DENND1A: variants seen among roughly 807,000 people sequenced by gnomAD.
DENND1A encodes the protein DENN domain containing 1A, also known as DENN domain-containing protein 1A.
In DENND1A, 51 loss-of-function variants were observed where a neutral mutation model predicts 113.7. The ratio of observed to expected loss-of-function variants is 0.45; its 90% CI spans 0.36 to 0.57. The LOEUF (loss-of-function observed/expected upper bound fraction) is 0.57, where lower values mean the gene tolerates loss of function less well. DENND1A is among the 20% of genes least tolerant of loss of function. The pLI, the probability that DENND1A is intolerant of heterozygous loss-of-function variation, is 0.00. For missense variants in DENND1A, 1,258 were observed against 1,395.9 expected, an observed-to-expected ratio of 0.90 and a Z score of 1.57; for synonymous variants, 565 against 570.8, an observed-to-expected ratio of 0.99 and a Z score of 0.14.
intron 11 of DENND1A, among the ~76,000 whole-genome samples, chr9:123,585,102 C>T (rs551858728): frequency 6.6e-6 from 1 of 152,304 alleles, no homozygotes; most frequent in South Asian, 2.1e-4. Flanking sequence ...AAAAACACTC[C>T]CAGGCAGCAG....
intron 8 of DENND1A, among the ~76,000 whole-genome samples, chr9:123,656,613 G>A (rs2062960242): frequency 6.6e-6 from 1 of 152,136 alleles, no homozygotes; most frequent in Admixed American, 6.5e-5. Flanking sequence ...GCCCAAATAG[G>A]TTTTTAAAGG....
At chr9:123,494,184 G>A (rs759444073) in intron 13 of DENND1A, among the ~76,000 whole-genome samples, 14 of 152,194 alleles carry the variant, frequency 9.2e-5, no homozygotes, top group Non-Finnish European at 2.1e-4. Context: ...CCAAAGATGA[G>A]GCTGGATGGC....
intron 5 of DENND1A, among the ~76,000 whole-genome samples, chr9:123,734,576 G>T (rs2068422606): frequency 6.6e-6 from 1 of 152,080 alleles, no homozygotes; most frequent in African/African-American, 2.4e-5. Flanking sequence ...CAAAAGAATG[G>T]GAGGAACATG....
intron 3 of DENND1A, among the ~76,000 whole-genome samples, chr9:123,770,599 C>T (rs987899552): frequency 6.6e-6 from 1 of 152,152 alleles, no homozygotes; most frequent in Non-Finnish European, 1.5e-5. Context: ...AGTTCATAGA[C>T]CAATGTTATA....
chr9:123,516,161 T>C (rs1241453638), intron 13 of DENND1A, among the ~76,000 whole-genome samples: 1 of 124,068 alleles, frequency 8.1e-6, no homozygotes, highest in African/African-American at 3.2e-5. Context: ...CACACAAAGG[T>C]TGGGGGGAGA....
At chr9:123,788,608 T>C (rs919668055) in intron 3 of DENND1A, among the ~76,000 whole-genome samples, 16 of 152,152 alleles carry the variant, frequency 1.1e-4, no homozygotes, top group Admixed American at 2.0e-4. Flanking sequence ...GGAAAGCTAT[T>C]CATTTTTTTC....
At chr9:123,652,495 C>T (rs1412342496) in intron 8 of DENND1A, among the ~76,000 whole-genome samples, 1 of 152,212 alleles carries the variant, frequency 6.6e-6, no homozygotes, top group Non-Finnish European at 1.5e-5. Context: ...GCAATGAAGA[C>T]AGGACTGCTG....
chr9:123,445,576 A>T (rs977799265), intron 18 of DENND1A, among the ~76,000 whole-genome samples: 1 of 152,224 alleles, frequency 6.6e-6, no homozygotes, highest in Non-Finnish European at 1.5e-5. Flanking sequence ...GTGGGACATA[A>T]GAAGACAGAG....
intron 13 of DENND1A, among the ~76,000 whole-genome samples, chr9:123,547,461 G>A (rs528756506): frequency 2.6e-5 from 4 of 152,296 alleles, no homozygotes; most frequent in East Asian, 3.9e-4. Context: ...CTTGGGAGGC[G>A]GAGGTTGTGG....
intron 5 of DENND1A, among the ~76,000 whole-genome samples, chr9:123,720,419 A>G (rs2067256483): frequency 6.6e-6 from 1 of 152,214 alleles, no homozygotes; most frequent in African/African-American, 2.4e-5. Flanking sequence ...AAGAGGAAGA[A>G]AGATTGGTCC....
In DENND1A at chr9:123,381,587, C is replaced by T. The variant is rs1176268196; in HGVS notation, c.3058G>A (p.Glu1020Lys). 6.2e-7 allele frequency: 1 copy of T among 1,613,358 alleles called. No homozygotes were observed. The highest frequency in any genetic ancestry group is 8.5e-7 in the Non-Finnish European group (1 of 1,179,920). ...LLPPRPPQGL[E>K]PTLQPSAPQQ... is the part of the protein sequence containing the mutation. ...GGAGCAGAGGGCTGCAGTGTTGGCT[C>T]CAGGCCTTGAGGGGGCCTGGGAGGC... The change falls in exon 24 of 24, where the codon GAG becomes AAG. Residue 1020 changes from glutamate to lysine, a missense_variant. Coordinates refer to ENST00000394215, the MANE Select transcript of DENND1A (RefSeq NM_001352964.2). This position sits in a 1 kb window ranked among gnomAD's most constrained non-coding sequence, Gnocchi z 4.7.
At chr9:123,738,828 C>T (rs2068769068) in intron 5 of DENND1A, among the ~76,000 whole-genome samples, 1 of 152,186 alleles carries the variant, frequency 6.6e-6, no homozygotes, top group African/African-American at 2.4e-5. Flanking sequence ...CAACTTTCAC[C>T]TTTGGCTAGA....
intron 1 of DENND1A, among the ~76,000 whole-genome samples, chr9:123,887,543 A>T (rs1312168526): frequency 2.0e-5 from 3 of 151,978 alleles, no homozygotes; most frequent in Non-Finnish European, 4.4e-5. Flanking sequence ...ACAGGGTGTC[A>T]GAGCTGCAGA....
chr9:123,612,624 T>C (rs576849966), intron 10 of DENND1A, among the ~76,000 whole-genome samples: 1 of 152,242 alleles, frequency 6.6e-6, no homozygotes, highest in Non-Finnish European at 1.5e-5. Flanking sequence ...CCACCAAATA[T>C]GGATGTATCA....
intron 3 of DENND1A, among the ~76,000 whole-genome samples, chr9:123,788,944 A>T (rs1334613712): frequency 1.3e-5 from 2 of 152,214 alleles, no homozygotes; most frequent in East Asian, 3.9e-4. Flanking sequence ...AAAATACAGG[A>T]TTCTTTTCAA....
chr9:123,684,247 G>A lies in DENND1A; in HGVS notation c.303-7458C>T, dbSNP rs115028889. Among the ~76,000 whole-genome samples the A allele has an allele frequency of 1.4e-3, 215 of 152,126 alleles. 1 individual carries two copies. The highest frequency in any genetic ancestry group is 4.9e-3 in the African/African-American group (205 of 41,498). On this transcript the variant is annotated intron_variant, in intron 5 of 23. Coordinates refer to ENST00000394215, the MANE Select transcript of DENND1A (RefSeq NM_001352964.2). The stretch of plus-strand genomic sequence containing the variant: ...AAATTGTTCAAGAATCCTCTAATCT[G>A]CAGTGCCACAGGCCTCCTGTTGCCC...
Position 123,477,304 on chromosome 9 carries a change from A to G in DENND1A, c.994-19407T>C, listed in dbSNP as rs919397238. Among the ~76,000 whole-genome samples, 17 of 152,176 alleles carry G rather than the reference A, an allele frequency of 1.1e-4. No homozygotes were observed. In the Middle Eastern group the frequency reaches 0.01, roughly 91 times the overall value. Reference sequence around the variant, plus strand: ...CAGTGCGTTGGGAGGCCAAGGCAAGATTGCTTTGGGCCAAGGCGGGAGAAT... The same window carrying G: ...CAGTGCGTTGGGAGGCCAAGGCAAGGTTGCTTTGGGCCAAGGCGGGAGAAT... On this transcript the variant is annotated intron_variant, in intron 13 of 23. Transcript: ENST00000394215.
chr9:123,815,964 T>C (rs980613587), intron 2 of DENND1A, among the ~76,000 whole-genome samples: 7 of 151,286 alleles, frequency 4.6e-5, no homozygotes, highest in Non-Finnish European at 1.0e-4. Flanking sequence ...CAAGAACCTA[T>C]TTGGCACTGG....
At chr9:123,494,788 CT>C (rs1166420707) in intron 13 of DENND1A, among the ~76,000 whole-genome samples, 1 of 151,836 alleles carries the variant, frequency 6.6e-6, no homozygotes, top group Non-Finnish European at 1.5e-5. Context: ...CCTTCAGGCC[CT>C]TTTTTTGTAC....
Sources: gnomAD v4.1 joint callset for allele counts (sites outside exome capture counted in the v4.1 genomes callset) on GRCh38, gnomAD v4.1.1 for gene constraint, Gnocchi (gnomAD v3.1) non-coding constraint, MANE v1.5 for transcripts, NCBI Gene and HGNC (gene_info 2026-07-23, HGNC 2026-07-21) for gene names.